Variants in CEP104 observed in about 807,000 individuals in gnomAD.
The protein encoded by CEP104 is centrosomal protein of 104 kDa.
A neutral mutation model predicts 113.3 loss-of-function variants in CEP104; 84 were observed. That is an observed-to-expected ratio of 0.74 (90% CI 0.62 to 0.89). The LOEUF is 0.89. Ranked by LOEUF, CEP104 falls within the 40% of genes least tolerant of loss-of-function variation. CEP104 has a pLI of 0.00. For missense variants in CEP104, 1,053 were observed against 1,156.6 expected, an observed-to-expected ratio of 0.91 and a Z score of 1.30; for synonymous variants, 378 against 421.7, an observed-to-expected ratio of 0.90 and a Z score of 1.27.
Position 3,825,825 on chromosome 1 carries a change from T to C in CEP104, c.2297A>G (p.Glu766Gly). The C allele has an allele frequency of 6.2e-7, 1 of 1,613,874 alleles. No individual in the cohort carries two copies. The highest frequency in any genetic ancestry group is 8.5e-7 in the Non-Finnish European group (1 of 1,179,740). The change falls in exon 18 of 22, where the codon GAG becomes GGG. Residue 766 changes from glutamate (E) to glycine (G), a missense_variant. Glu to Gly is a moderately conservative substitution (Grantham distance 98, BLOSUM62 -2). Transcript: ENST00000378230. ...CCAGTAGTGGAGATCCAGACCTTCC[T>C]CTGTGAAGGATTCACTCCTTTCCCC... Reference protein sequence around the residue: ...FCGERSESFTEEGLDLHYWKH... With the variant: ...FCGERSESFTGEGLDLHYWKH...
chr1:3,852,285 C>A lies in CEP104; in HGVS notation c.113+10G>T. ...CTCCCAGCCCAAGCCCCGCCCCGTC[C>A]AGTCCTCACCTAGGTGACCGCCACC... On this transcript the variant is annotated intron_variant, in intron 2 of 21. Coordinates refer to ENST00000378230, the MANE Select transcript of CEP104 (RefSeq NM_014704.4). 6.2e-7 allele frequency: 1 copy of A among 1,612,324 alleles called. No homozygotes were observed. The highest frequency in any genetic ancestry group is 1.1e-5 in the South Asian group (1 of 90,970).
chr1:3,822,512 C>T (rs1382247698), intron 20 of CEP104, among the ~76,000 whole-genome samples: 3 of 152,212 alleles, frequency 2.0e-5, no homozygotes, highest in Non-Finnish European at 2.9e-5. Flanking sequence ...CAAACTGGGT[C>T]CTGAGCAGGG....
intron 12 of CEP104, among the ~76,000 whole-genome samples, chr1:3,833,437 T>C (rs1420075970): frequency 2.6e-5 from 4 of 152,200 alleles, no homozygotes; most frequent in Non-Finnish European, 5.9e-5. Flanking sequence ...TTATGGTGCA[T>C]AACTGTGTGC....
In CEP104 at chr1:3,814,534, G is replaced by A. The variant is rs1389656366; in HGVS notation, c.*868C>T. 6.6e-6 allele frequency: 1 copy of A among 152,260 alleles called. No individual in the cohort carries two copies. The highest frequency in any genetic ancestry group is 1.5e-5 in the Non-Finnish European group (1 of 68,042). 9.4% of individuals were successfully genotyped at this position (152,260 alleles called of 1,614,324 possible). ...GGCCCATACCAGTGGGCTTCTGCCT[G>A]CTGTGAACACAGGGTGATCAGGTGG... On this transcript the variant is annotated 3_prime_UTR_variant, in exon 22 of 22. Transcript: ENST00000378230.
At position 3,823,397 on chromosome 1, in the gene CEP104, C is replaced by T. The variant is rs752482542; in HGVS notation, c.2503+27G>A. The T allele has an allele frequency of 6.2e-7, 1 of 1,614,128 alleles. No individual in the cohort carries two copies. Among genetic ancestry groups the T allele is most frequent in the South Asian group, 1.1e-5 (1 of 91,074 alleles). ...AAGAGGACCCCTGGTGACCCGAGGG[C>T]ACGGGAGCCTGGGAAGGGGCACTCA... On this transcript the variant is annotated intron_variant, in intron 19 of 21. Coordinates refer to ENST00000378230, the MANE Select transcript of CEP104 (RefSeq NM_014704.4). This position sits in a 1 kb window ranked among gnomAD's most constrained non-coding sequence, Gnocchi z 4.1.
intron 21 of CEP104, chr1:3,816,066 A>G: frequency 1.9e-6 from 1 of 530,202 alleles, no homozygotes. Context: ...TTCGCACTGC[A>G]CAGCCAGTTT....
intron 4 of CEP104, among the ~76,000 whole-genome samples, chr1:3,846,025 G>T (rs1414477291): frequency 6.9e-6 from 1 of 145,494 alleles, no homozygotes; most frequent in Non-Finnish European, 1.5e-5. Flanking sequence ...GTTGCAGTGA[G>T]CCGAGATTGC....
At chr1:3,837,015 T>C (rs995147153) in intron 9 of CEP104, 1 of 519,812 alleles carries the variant, frequency 1.9e-6, no homozygotes, top group Non-Finnish European at 3.4e-6. Flanking sequence ...GGCTATTACA[T>C]CTTTTTTTCT....
At chr1:3,856,456 A>G (rs964855378) in intron 1 of CEP104, among the ~76,000 whole-genome samples, 1 of 152,252 alleles carries the variant, frequency 6.6e-6, no homozygotes, top group African/African-American at 2.4e-5. Flanking sequence ...AAGTGCAAAC[A>G]AAACAAAACA....
chr1:3,849,181 T>C (rs1644565355), intron 2 of CEP104, among the ~76,000 whole-genome samples: 1 of 151,616 alleles, frequency 6.6e-6, no homozygotes, highest in African/African-American at 2.4e-5. Flanking sequence ...ATTTAAGGAG[T>C]GCCTGCCTTT....
chr1:3,848,582 T>C (rs1380218275), intron 3 of CEP104, 26 bp downstream of exon 3: 3 of 1,567,914 alleles, frequency 1.9e-6, no homozygotes, highest in Non-Finnish European at 1.7e-6. Context: ...AAAGCTGCCA[T>C]GATACATTTT....
chr1:3,839,759 G>T lies in CEP104; in HGVS notation c.584C>A (p.Ser195Tyr), dbSNP rs1644380706. The stretch of plus-strand genomic sequence containing the variant: ...ATCAAAAGCTAAGTCATCTAGCGGA[G>T]AGATATAGTCAGATTTCCTAAAGGG... ...GTYARKSDYI[S>Y]PLDDLAFDMY... Residue 195 changes from serine (S) to tyrosine (Y), a missense_variant, in exon 7 of 22, where the codon TCT (serine) becomes TAT (tyrosine). Transcript: ENST00000378230. 1 of 1,612,066 alleles carries T rather than the reference G, an allele frequency of 6.2e-7. No homozygotes were observed. The highest frequency in any genetic ancestry group is 8.5e-7 in the Non-Finnish European group (1 of 1,179,494).
chr1:3,844,884 T>C (rs1277488837), intron 6 of CEP104, 23 bp downstream of exon 6: 8 of 1,594,140 alleles, frequency 5.0e-6, no homozygotes, highest in Non-Finnish European at 6.9e-6. Context: ...AAGAAGTTCA[T>C]TGATGGGGAG....
At position 3,815,277 on chromosome 1, in the gene CEP104, C is replaced by G; in HGVS notation, c.*125G>C. 2.9e-6 allele frequency: 2 copies of G among 700,340 alleles called. No homozygotes were observed. Among genetic ancestry groups the G allele is most frequent in the East Asian group, 2.7e-5 (1 of 36,686 alleles). The allele number at this position is 700,340 out of a possible 1,614,324, so 43.4% of individuals were successfully genotyped here. A position where few individuals can be genotyped will look rare whatever the true frequency, so the allele number is the denominator to read the frequency against. Reference sequence around the variant, plus strand: ...GGCACAGACGCGTAAGAGGCGTGCACGGCGGGGAGCTGGGGACAGCAGCCA... The same window carrying G: ...GGCACAGACGCGTAAGAGGCGTGCAGGGCGGGGAGCTGGGGACAGCAGCCA... On this transcript the variant is annotated 3_prime_UTR_variant, in exon 22 of 22. Coordinates refer to ENST00000378230, the MANE Select transcript of CEP104 (RefSeq NM_014704.4).
chr1:3,837,693 G>C (rs561316588), intron 8 of CEP104, among the ~76,000 whole-genome samples, 174 bp from the exon 9 acceptor site: 5 of 152,346 alleles, frequency 3.3e-5, no homozygotes, highest in African/African-American at 1.2e-4. Context: ...CTACTTGAAA[G>C]TCCCACACAA....
intron 9 of CEP104, 42 bp from the exon 10 acceptor site, chr1:3,836,734 A>C (rs375656504): frequency 3.2e-6 from 5 of 1,577,672 alleles, no homozygotes; most frequent in Non-Finnish European, 4.3e-6. Flanking sequence ...GGGGAGCTCC[A>C]TAGGTCACAT....
rs1351983861 is a variant in CEP104, at chr1:3,814,694, C to T, written c.*708G>A. 1 of 152,268 alleles carries T rather than the reference C, an allele frequency of 6.6e-6. No individual in the cohort carries two copies. The highest frequency in any genetic ancestry group is 1.5e-5 in the Non-Finnish European group (1 of 68,048). 9.4% of individuals were successfully genotyped at this position (152,268 alleles called of 1,614,324 possible). A position where few individuals can be genotyped will look rare whatever the true frequency, so the allele number is the denominator to read the frequency against. On this transcript the variant is annotated 3_prime_UTR_variant, in exon 22 of 22. Transcript: ENST00000378230. ...CTCAGTTCCAGCAGGGAGCTGATGC[C>T]TGTCACAGGGGCAGCACTACTGGAG...
chr1:3,839,866 A>C, intron 6 of CEP104, 90 bp from the exon 7 acceptor site: 1 of 984,016 alleles, frequency 1.0e-6, no homozygotes, highest in Non-Finnish European at 1.5e-6. Flanking sequence ...GCCCCTCCCC[A>C]TCCTGCCCCA....
At chr1:3,844,081 TATGTGATACA>T (rs1644463677) in intron 6 of CEP104, among the ~76,000 whole-genome samples, 1 of 152,212 alleles carries the variant, frequency 6.6e-6, no homozygotes, top group Admixed American at 6.5e-5. Flanking sequence ...TTTAAAAACG[TATGTGATACA>T]TATTTTTCAC....
Sources: allele counts gnomAD v4.1 joint callset (sites outside exome capture counted in the v4.1 genomes callset), GRCh38; gene constraint gnomAD v4.1.1; non-coding constraint Gnocchi (gnomAD v3.1); transcripts MANE v1.5; gene names NCBI Gene and HGNC (gene_info 2026-07-23, HGNC 2026-07-21).